The following CSMD1 variants were observed in gnomAD, a reference collection of about 807,000 sequenced individuals.
CSMD1 encodes the protein CUB and Sushi multiple domains 1.
CSMD1 carries 213 observed loss-of-function variants against 417.5 expected under a neutral mutation model. The observed-to-expected ratio is 0.51, with a 90% CI of 0.46 to 0.57. The LOEUF is 0.57. Among genes scored for constraint, CSMD1 ranks in the 20% least tolerant of loss-of-function variants. The pLI is 0.00. For missense variants in CSMD1, 6,923 were observed against 4,529.7 expected, an observed-to-expected ratio of 1.53 and a Z score of -15.17; for synonymous variants, 2,862 against 1,736.8, an observed-to-expected ratio of 1.65 and a Z score of -16.11.
At chr8:4,264,410 A>T (rs889292490) in intron 3 of CSMD1, among the ~76,000 whole-genome samples, 3 of 152,220 alleles carry the variant, frequency 2.0e-5, no homozygotes, top group Non-Finnish European at 4.4e-5. Context: ...GAGGTTGCAC[A>T]TGTATCTAAG....
intron 3 of CSMD1, among the ~76,000 whole-genome samples, chr8:4,263,787 T>C (rs1288434413): frequency 1.3e-5 from 2 of 152,328 alleles, no homozygotes; most frequent in South Asian, 2.1e-4. Flanking sequence ...TTTACTCCAA[T>C]TGTGACTGGC....
At chr8:3,790,332 G>A (rs1799665782) in intron 5 of CSMD1, among the ~76,000 whole-genome samples, 2 of 152,134 alleles carry the variant, frequency 1.3e-5, no homozygotes, top group African/African-American at 2.4e-5. Context: ...AATGTATAAT[G>A]ATGGTGATGG....
At chr8:3,637,070 T>C (rs145954121) in intron 7 of CSMD1, among the ~76,000 whole-genome samples, 44 of 152,310 alleles carry the variant, frequency 2.9e-4, no homozygotes, top group South Asian at 1.5e-3. Context: ...AGGATCCTCA[T>C]GCTTGAACTT....
intron 3 of CSMD1, among the ~76,000 whole-genome samples, chr8:4,246,970 C>T (rs1585091531): frequency 2.0e-5 from 3 of 152,068 alleles, no homozygotes; most frequent in South Asian, 2.1e-4. Context: ...ACACTTTAGA[C>T]GAAGTAGAAA....
chr8:3,610,715 T>C (rs371669885), intron 8 of CSMD1, among the ~76,000 whole-genome samples: 3 of 152,240 alleles, frequency 2.0e-5, no homozygotes, highest in Non-Finnish European at 4.4e-5. Context: ...TTCTTTCTCT[T>C]AACTCCAATT....
intron 1 of CSMD1, among the ~76,000 whole-genome samples, chr8:4,647,592 T>G (rs1803618214): frequency 6.7e-6 from 1 of 148,980 alleles, no homozygotes; most frequent in Admixed American, 6.7e-5. Context: ...TATGTCCTGG[T>G]GTGTGTTGTT....
intron 3 of CSMD1, among the ~76,000 whole-genome samples, chr8:4,284,050 T>A (rs578058242): frequency 6.6e-6 from 1 of 152,120 alleles, no homozygotes. Context: ...CTGGCCATCA[T>A]TGTGAAACCT....
chr8:3,789,988 C>A (rs534270652), intron 5 of CSMD1, among the ~76,000 whole-genome samples: 5 of 152,234 alleles, frequency 3.3e-5, no homozygotes, highest in African/African-American at 1.2e-4. Flanking sequence ...ACCTCGGCCT[C>A]CCAAAGTGCT....
At chr8:4,815,680 G>C (rs1406524922) in intron 1 of CSMD1, among the ~76,000 whole-genome samples, 18 of 67,470 alleles carry the variant, frequency 2.7e-4, no homozygotes, top group Non-Finnish European at 3.9e-4. Context: ...TGGGCAACAA[G>C]ACCAAAGCTG....
At chr8:4,295,466 T>G (rs1432844216) in intron 3 of CSMD1, among the ~76,000 whole-genome samples, 1 of 144,194 alleles carries the variant, frequency 6.9e-6, no homozygotes, top group Non-Finnish European at 1.5e-5. Flanking sequence ...CATATAATCT[T>G]ATTATACACA....
At chr8:4,058,255 T>C (rs572008176) in intron 3 of CSMD1, among the ~76,000 whole-genome samples, 1 of 152,224 alleles carries the variant, frequency 6.6e-6, no homozygotes, top group Non-Finnish European at 1.5e-5. Context: ...TTCACATCCC[T>C]TGTAAGTTGG....
intron 3 of CSMD1, among the ~76,000 whole-genome samples, chr8:4,117,118 G>A (rs1802199857): frequency 6.6e-6 from 1 of 150,758 alleles, no homozygotes; most frequent in Admixed American, 6.7e-5. Context: ...GTTTTTTCTT[G>A]CTGCCACATT....
intron 12 of CSMD1, among the ~76,000 whole-genome samples, chr8:3,444,992 C>T (rs549775830): frequency 5.9e-5 from 9 of 152,286 alleles, no homozygotes; most frequent in African/African-American, 1.7e-4. Context: ...AAACTCGAAC[C>T]TGTCCAAGCC....
intron 1 of CSMD1, among the ~76,000 whole-genome samples, chr8:4,896,669 G>A (rs1804502501): frequency 6.6e-6 from 1 of 152,034 alleles, no homozygotes; most frequent in Admixed American, 6.6e-5. Flanking sequence ...AATTTTTTCC[G>A]GGGGAAGGAT....
intron 23 of CSMD1, among the ~76,000 whole-genome samples, chr8:3,311,366 C>G (rs573272803): frequency 2.0e-5 from 3 of 152,128 alleles, no homozygotes; most frequent in African/African-American, 4.8e-5. Context: ...TCTCCTGCCT[C>G]AGCCTCCTGA....
chr8:3,466,508 C>G (rs1351491282), intron 12 of CSMD1, among the ~76,000 whole-genome samples: 2 of 151,360 alleles, frequency 1.3e-5, no homozygotes, highest in Non-Finnish European at 2.9e-5. Context: ...TACCCGGGTT[C>G]AAGCGATTCT....
intron 41 of CSMD1, among the ~76,000 whole-genome samples, chr8:3,119,042 T>C (rs991323107): frequency 6.6e-6 from 1 of 151,932 alleles, no homozygotes; most frequent in African/African-American, 2.4e-5. Flanking sequence ...TAGCCTGGCG[T>C]GGTGGCGGGC....
At chr8:4,864,029 G>A (rs921784030) in intron 1 of CSMD1, among the ~76,000 whole-genome samples, 2 of 151,846 alleles carry the variant, frequency 1.3e-5, no homozygotes, top group African/African-American at 2.4e-5. Flanking sequence ...TACATTAATA[G>A]CATGTTTATT....
intron 3 of CSMD1, among the ~76,000 whole-genome samples, chr8:4,086,080 A>G (rs923336682): frequency 1.3e-5 from 2 of 152,318 alleles, no homozygotes; most frequent in African/African-American, 2.4e-5. Flanking sequence ...TATTTTTTCC[A>G]TATTTAATCT....
Sources: gnomAD v4.1 joint callset for allele counts (sites outside exome capture counted in the v4.1 genomes callset) on GRCh38, gnomAD v4.1.1 for gene constraint, MANE v1.5 for transcripts, NCBI Gene and HGNC (gene_info 2026-07-23, HGNC 2026-07-21) for gene names.